PTPRN2: variants seen among roughly 807,000 people sequenced by gnomAD.
PTPRN2 encodes the protein receptor-type tyrosine-protein phosphatase N2.
A neutral mutation model predicts 118.8 loss-of-function variants in PTPRN2; 74 were observed. The ratio of observed to expected loss-of-function variants is 0.62; its 90% CI spans 0.52 to 0.76. The LOEUF (loss-of-function observed/expected upper bound fraction) is 0.76, where lower values mean the gene tolerates loss of function less well. PTPRN2 is among the 30% of genes least tolerant of loss of function. The pLI, the probability that PTPRN2 is intolerant of heterozygous loss-of-function variation, is 0.00. For missense variants in PTPRN2, 1,481 were observed against 1,394.4 expected (o/e 1.06, Z -0.99); for synonymous variants, 641 against 608.0 (o/e 1.05, Z -0.80).
chr7:157,569,974 A>G (rs898634147), intron 20 of PTPRN2, among the ~76,000 whole-genome samples: 1 of 152,280 alleles, frequency 6.6e-6, no homozygotes, highest in Non-Finnish European at 1.5e-5. Context: ...TGTGATCCCA[A>G]GAAATGACTG....
At chr7:157,810,621 G>T in intron 12 of PTPRN2, among the ~76,000 whole-genome samples, 1 of 126,772 alleles carries the variant, frequency 7.9e-6, no homozygotes, top group Admixed American at 8.1e-5. Context: ...TGGGGGCTGG[G>T]CTCTCCATGG....
rs1806106347 is a variant in PTPRN2 at position 158,012,311 on chromosome 7, G to C, written c.1723+68987C>G. On this transcript the variant is annotated intron_variant, in intron 11 of 22. Coordinates refer to ENST00000389418, the MANE Select transcript of PTPRN2 (RefSeq NM_002847.5). The stretch of plus-strand genomic sequence containing the variant: ...CTGATACATAGATGACACGACGCTG[G>C]CTTTACACACCACATCACGGTGAGA... Among the ~76,000 whole-genome samples, 4 of 151,980 alleles carry C rather than the reference G, an allele frequency of 2.6e-5. No homozygotes were observed. The South Asian group carries it at 8.3e-4, about 32-fold the overall frequency.
chr7:158,110,276 G>C (rs1409034209), intron 10 of PTPRN2, among the ~76,000 whole-genome samples: 1 of 152,206 alleles, frequency 6.6e-6, no homozygotes, highest in African/African-American at 2.4e-5. Flanking sequence ...AGCACTTGTC[G>C]TGAGACAGGT....
intron 12 of PTPRN2, among the ~76,000 whole-genome samples, chr7:157,802,648 T>G (rs2151099394): frequency 6.6e-6 from 1 of 152,350 alleles, no homozygotes; most frequent in South Asian, 2.1e-4. Flanking sequence ...TTGAGAAAAC[T>G]TCATACTGTT....
rs1214617516 is a variant in PTPRN2, at chr7:157,591,607, T to C, written c.2496+3631A>G. ...TGTTCTTCCTCTGCCTGCGTTCTGC[T>C]AAGCCAGAGAGGGCAAAGAGAACCC... On this transcript the variant is annotated intron_variant, in intron 17 of 22. Coordinates refer to ENST00000389418, the MANE Select transcript of PTPRN2 (RefSeq NM_002847.5). This position sits in a 1 kb window ranked among gnomAD's most constrained non-coding sequence, Gnocchi z 4.4. Among the ~76,000 whole-genome samples, 1 of 152,270 alleles carries C rather than the reference T, an allele frequency of 6.6e-6. No homozygotes were observed. The highest frequency in any genetic ancestry group is 1.5e-5 in the Non-Finnish European group (1 of 68,046).
chr7:158,063,651 C>T (rs1810528673), intron 11 of PTPRN2, among the ~76,000 whole-genome samples: 1 of 152,204 alleles, frequency 6.6e-6, no homozygotes, highest in East Asian at 1.9e-4. Flanking sequence ...CAGCTTCACT[C>T]CTGAGGCCAG....
chr7:157,798,498 CACAG>C (rs1221648334), intron 12 of PTPRN2, among the ~76,000 whole-genome samples: 2 of 152,118 alleles, frequency 1.3e-5, no homozygotes, highest in East Asian at 3.9e-4. Context: ...CCTCCACACA[CACAG>C]ACACACACGG....
chr7:158,203,225 CAAAAAAAAAAAAAAAAA>C (rs56016358), intron 4 of PTPRN2, among the ~76,000 whole-genome samples: 2 of 50,340 alleles, frequency 4.0e-5, no homozygotes, highest in African/African-American at 6.5e-5. Context: ...AAGCAAGAGC[CAAAAAAAAAAAAAAAAA>C]AAAAAAAAAG....
intron 11 of PTPRN2, among the ~76,000 whole-genome samples, chr7:157,913,672 G>A (rs1478335859): frequency 6.6e-6 from 1 of 152,132 alleles, no homozygotes; most frequent in African/African-American, 2.4e-5. Context: ...TCATTAATGT[G>A]ATAGACTACA....
intron 2 of PTPRN2, among the ~76,000 whole-genome samples, chr7:158,387,191 C>T (rs1242378363): frequency 6.6e-6 from 1 of 152,238 alleles, no homozygotes; most frequent in African/African-American, 2.4e-5. Context: ...GCTGCCCTGG[C>T]TTCAGGGCCC....
chr7:157,542,619 C>G (rs942123008), intron 22 of PTPRN2, among the ~76,000 whole-genome samples: 9 of 152,180 alleles, frequency 5.9e-5, no homozygotes, highest in African/African-American at 2.2e-4. Flanking sequence ...GCAGGGGGAA[C>G]TCCACCAGGG....
At chr7:157,635,240 C>A (rs1215209493) in intron 14 of PTPRN2, among the ~76,000 whole-genome samples, 1 of 152,270 alleles carries the variant, frequency 6.6e-6, no homozygotes, top group African/African-American at 2.4e-5. Flanking sequence ...GTACACCCTA[C>A]ATGATCAGTA....
intron 14 of PTPRN2, among the ~76,000 whole-genome samples, chr7:157,630,711 C>G (rs1313078582): frequency 6.6e-6 from 1 of 152,180 alleles, no homozygotes; most frequent in Non-Finnish European, 1.5e-5. Flanking sequence ...GAGAAGCAAA[C>G]ACACGGTTTT....
At chr7:158,455,666 G>A (rs1818400490) in intron 2 of PTPRN2, among the ~76,000 whole-genome samples, 3 of 119,620 alleles carry the variant, frequency 2.5e-5, no homozygotes, top group Non-Finnish European at 5.1e-5. Context: ...CGGCACGGAC[G>A]CCATCGGCCA....
intron 11 of PTPRN2, among the ~76,000 whole-genome samples, chr7:158,055,710 G>A (rs571667711): frequency 3.9e-4 from 60 of 152,266 alleles, no homozygotes; most frequent in African/African-American, 1.4e-3. Flanking sequence ...CCTGTCCAGT[G>A]GACACGTAAC....
At chr7:158,030,982 T>C (rs975777233) in intron 11 of PTPRN2, 1 of 152,242 alleles carries the variant, frequency 6.6e-6, no homozygotes, top group African/African-American at 2.4e-5. Flanking sequence ...TAAACTGTTG[T>C]TGCTAAGTCA....
In PTPRN2 at chr7:158,138,468, C is replaced by T. The variant is rs142595005; in HGVS notation, c.958G>A (p.Glu320Lys). Residue 320 changes from glutamate to lysine, a missense_variant, in exon 7 of 23, where the codon GAG becomes AAG. Glu to Lys is a moderately conservative substitution (Grantham distance 56). This residue lies in a region of PTPRN2 where 1,115 missense variants were observed against 994.2 expected (regional missense o/e 1.12). Coordinates refer to ENST00000389418, the MANE Select transcript of PTPRN2 (RefSeq NM_002847.5). ...LLKDLQRQPA[E>K]VRGLSGLELD... ...TCCAGGCCACTCAGGCCCCTCACCT[C>T]AGCCGGCTGCCTCTGCAGGTCCTTC... 2 of 1,612,902 alleles carry T rather than the reference C, an allele frequency of 1.2e-6. No individual in the cohort carries two copies. The highest frequency in any genetic ancestry group is 2.7e-5 in the African/African-American group (2 of 74,952).
rs947612562 is a variant in PTPRN2, at chr7:158,133,843, C to G, written c.1390G>C (p.Glu464Gln). 3 of 1,613,840 alleles carry G rather than the reference C, an allele frequency of 1.9e-6. No homozygotes were observed. In the African/African-American group the frequency reaches 4.0e-5, roughly 22 times the overall value. The change falls in exon 9 of 23, where the codon GAG becomes CAG. Residue 464 changes from glutamate (E) to glutamine (Q), a missense_variant. Around this residue, in one of 3 missense-constraint regions of PTPRN2, gnomAD observed 1,115 missense variants for 994.2 expected, o/e 1.12. Transcript: ENST00000389418. ...TCCCCAAACGCAGCGGCCCCGGGCTCCGAATGCGGCTGCTGCCCCAGCAGA... is the reference window on the plus strand; with the variant it reads ...TCCCCAAACGCAGCGGCCCCGGGCTGCGAATGCGGCTGCTGCCCCAGCAGA... The part of the protein sequence containing the change: ...KDLLGQQPHS[E>Q]PGAAAFGELQ...
chr7:158,363,343 T>G (rs535411604), intron 2 of PTPRN2, among the ~76,000 whole-genome samples: 432 of 152,152 alleles, frequency 2.8e-3, no homozygotes, highest in Non-Finnish European at 4.9e-3. Flanking sequence ...CTCGGTTGCT[T>G]GGGGAGGCCG....
Sources: allele counts gnomAD v4.1 joint callset (sites outside exome capture counted in the v4.1 genomes callset), GRCh38; gene constraint gnomAD v4.1.1; regional missense constraint gnomAD v4.1.1; non-coding constraint Gnocchi (gnomAD v3.1); transcripts MANE v1.5; gene names NCBI Gene and HGNC (gene_info 2026-07-23, HGNC 2026-07-21).